RGS20: variants seen among roughly 807,000 people sequenced by gnomAD.
RGS20 encodes gz-selective GTPase-activating protein.
A neutral mutation model predicts 33.6 loss-of-function variants in RGS20; 30 were observed. The observed-to-expected ratio is 0.89, with a 90% CI of 0.67 to 1.21. RGS20 has a LOEUF of 1.21. Among genes scored for constraint, RGS20 ranks in the 50% most tolerant of loss-of-function variants. The pLI, the probability that RGS20 is intolerant of heterozygous loss-of-function variation, is 0.00. For missense variants in RGS20, 472 were observed against 502.4 expected, an observed-to-expected ratio of 0.94 and a Z score of 0.58; for synonymous variants, 208 against 197.9, an observed-to-expected ratio of 1.05 and a Z score of -0.43.
chr8:53,902,724 AT>A (rs1232872176), intron 2 of RGS20, among the ~76,000 whole-genome samples: 1 of 147,232 alleles, frequency 6.8e-6, no homozygotes, highest in Non-Finnish European at 1.5e-5. Context: ...AAACAAAATG[AT>A]TGGTTCTTTT....
At position 53,867,062 on chromosome 8, in the gene RGS20, G is replaced by C. The variant is rs529683295; in HGVS notation, c.166-12196G>C. Among the ~76,000 whole-genome samples, 6 of 152,260 alleles carry C rather than the reference G, an allele frequency of 3.9e-5. No homozygotes were observed. The South Asian group carries it at 8.3e-4, about 21-fold the overall frequency. ...GGAAACTGAGGCCCAGGCGAGTACAGAGATGGATCCAAAGTCACAAAGGAA... is the reference window on the plus strand; with the variant it reads ...GGAAACTGAGGCCCAGGCGAGTACACAGATGGATCCAAAGTCACAAAGGAA... On this transcript the variant is annotated intron_variant, in intron 1 of 5. Coordinates refer to ENST00000297313, the MANE Select transcript of RGS20 (RefSeq NM_170587.4).
chr8:53,937,004 C>T (rs890592138), intron 2 of RGS20, among the ~76,000 whole-genome samples: 2 of 152,174 alleles, frequency 1.3e-5, no homozygotes, highest in Admixed American at 1.3e-4. Context: ...AAAGGATTCC[C>T]TATTTAATAA....
At chr8:53,871,600 G>A (rs1451367937) in intron 1 of RGS20, among the ~76,000 whole-genome samples, 3 of 151,198 alleles carry the variant, frequency 2.0e-5, no homozygotes, top group East Asian at 1.9e-4. Context: ...TTGGGTGACA[G>A]AGTGAGAGTC....
intron 2 of RGS20, among the ~76,000 whole-genome samples, chr8:53,939,097 T>C (rs1482701245): frequency 1.3e-5 from 2 of 152,236 alleles, no homozygotes; most frequent in African/African-American, 2.4e-5. Context: ...CCTCCTCTTC[T>C]GACCTCTCGT....
At chr8:53,869,190 T>C (rs1039536582) in intron 1 of RGS20, among the ~76,000 whole-genome samples, 1 of 152,254 alleles carries the variant, frequency 6.6e-6, no homozygotes, top group Non-Finnish European at 1.5e-5. Context: ...TATAGAATGC[T>C]ACAAGAAAAG....
chr8:53,915,235 G>A (rs1450718877), intron 2 of RGS20, among the ~76,000 whole-genome samples: 1 of 152,074 alleles, frequency 6.6e-6, no homozygotes, highest in African/African-American at 2.4e-5. Context: ...CTCTCCAGAG[G>A]TTGCGCAGAC....
rs138791053 is a variant in RGS20 at position 53,947,440 on chromosome 8, T to C, written c.743+692T>C. Among the ~76,000 whole-genome samples, 1,386 of 139,590 alleles carry C rather than the reference T, an allele frequency of 9.9e-3. 37 individuals are homozygous for C. Among genetic ancestry groups the C allele is most frequent in the African/African-American group, 0.034 (1,325 of 38,774 alleles). The allele number at this position is 139,590 out of a possible 152,430, so 91.6% of individuals were successfully genotyped here. On this transcript the variant is annotated intron_variant, in intron 4 of 5. Coordinates refer to ENST00000297313, the MANE Select transcript of RGS20 (RefSeq NM_170587.4). ...TATATATGCTATATATGATATAGTATATACATTTATATATGCTATATATAA... is the reference window on the plus strand; with the variant it reads ...TATATATGCTATATATGATATAGTACATACATTTATATATGCTATATATAA...
At chr8:53,920,374 C>A (rs930966185) in intron 2 of RGS20, among the ~76,000 whole-genome samples, 1 of 152,058 alleles carries the variant, frequency 6.6e-6, no homozygotes, top group Non-Finnish European at 1.5e-5. Flanking sequence ...TTGTATCCTG[C>A]AACTTTGCTG....
At chr8:53,900,919 C>T (rs1235103576) in intron 2 of RGS20, among the ~76,000 whole-genome samples, 1 of 152,166 alleles carries the variant, frequency 6.6e-6, no homozygotes, top group African/African-American at 2.4e-5. Flanking sequence ...TCCCACTCGG[C>T]CCTCTGACCC....
At chr8:53,897,997 T>C (rs1382813450) in intron 2 of RGS20, among the ~76,000 whole-genome samples, 1 of 152,170 alleles carries the variant, frequency 6.6e-6, no homozygotes, top group Non-Finnish European at 1.5e-5. Flanking sequence ...TGCCTTCTGC[T>C]TGCTGAAAGA....
Position 53,879,321 on chromosome 8 carries a change from A to G in RGS20, c.229A>G (p.Ser77Gly). The change falls in exon 2 of 6, where the codon AGC becomes GGC. Residue 77 changes from serine to glycine, a missense_variant. Ser to Gly is a moderately conservative substitution (Grantham distance 56). Coordinates refer to ENST00000297313, the MANE Select transcript of RGS20 (RefSeq NM_170587.4). ...CCCGAAGCTGTTCGGCCTCCTTTCT[A>G]GCCCGCTTTCCAGCCTCGCAAGGTT... The G allele has an allele frequency of 6.2e-7, 1 of 1,613,056 alleles. No individual in the cohort carries two copies. The highest frequency in any genetic ancestry group is 8.5e-7 in the Non-Finnish European group (1 of 1,179,874).
At chr8:53,865,981 G>A (rs1164395936) in intron 1 of RGS20, among the ~76,000 whole-genome samples, 2 of 152,182 alleles carry the variant, frequency 1.3e-5, no homozygotes, top group Non-Finnish European at 2.9e-5. Flanking sequence ...AGCCTGATGG[G>A]AAAACAGACT....
chr8:53,934,365 C>G (rs1814065734), intron 2 of RGS20, among the ~76,000 whole-genome samples: 1 of 152,176 alleles, frequency 6.6e-6, no homozygotes, highest in Non-Finnish European at 1.5e-5. Context: ...GGAGACCCAT[C>G]TCACGTGCAG....
At chr8:53,872,594 T>C (rs1585871403) in intron 1 of RGS20, among the ~76,000 whole-genome samples, 2 of 152,186 alleles carry the variant, frequency 1.3e-5, no homozygotes, top group South Asian at 4.1e-4. Context: ...CCTCGTCTGG[T>C]TTCTGTTTCC....
intron 2 of RGS20, among the ~76,000 whole-genome samples, chr8:53,913,219 G>A: frequency 6.6e-6 from 1 of 152,046 alleles, no homozygotes; most frequent in Admixed American, 6.6e-5. Flanking sequence ...ACCCGCCTCA[G>A]GCTCCAAAGT....
At chr8:53,939,916 A>C (rs192601437) in intron 3 of RGS20, among the ~76,000 whole-genome samples, 192 bp downstream of exon 2, 42 of 152,326 alleles carry the variant, frequency 2.8e-4, no homozygotes, top group Admixed American at 2.7e-3. Flanking sequence ...TCTAGCTCTC[A>C]AGGGGTTTAT....
intron 2 of RGS20, among the ~76,000 whole-genome samples, chr8:53,894,321 GGGGA>G (rs1392976025): frequency 6.6e-6 from 1 of 152,142 alleles, no homozygotes; most frequent in African/African-American, 2.4e-5. Context: ...TCACACCAAG[GGGGA>G]GGGAGATCTA....
intron 1 of RGS20, among the ~76,000 whole-genome samples, chr8:53,860,699 G>A (rs1427700506): frequency 6.6e-6 from 1 of 152,154 alleles, no homozygotes. Flanking sequence ...AGCGCAGTGG[G>A]TCACACCTCT....
At chr8:53,940,587 T>A (rs1814260247) in intron 3 of RGS20, among the ~76,000 whole-genome samples, 2 of 149,026 alleles carry the variant, frequency 1.3e-5, no homozygotes, top group South Asian at 4.3e-4. Context: ...GAGAGTGGAG[T>A]TGAAAATGAA....
Sources: allele counts gnomAD v4.1 joint callset (sites outside exome capture counted in the v4.1 genomes callset), GRCh38; gene constraint gnomAD v4.1.1; transcripts MANE v1.5; gene names NCBI Gene and HGNC (gene_info 2026-07-23, HGNC 2026-07-21).